BUB1: variants seen among roughly 807,000 people sequenced by gnomAD.
The protein encoded by BUB1 is BUB1 mitotic checkpoint serine/threonine kinase, also known as mitotic checkpoint serine/threonine-protein kinase BUB1.
In BUB1, 84 loss-of-function variants were observed where a neutral mutation model predicts 135.2. The ratio of observed to expected loss-of-function variants is 0.62; its 90% CI spans 0.52 to 0.74. The LOEUF is 0.74. BUB1 is among the 30% of genes least tolerant of loss of function. The pLI, the probability that BUB1 is intolerant of heterozygous loss-of-function variation, is 0.00. For missense variants in BUB1, 1,162 were observed against 1,288.3 expected (o/e 0.90, Z 1.50); for synonymous variants, 403 against 434.4 (o/e 0.93, Z 0.90).
Position 110,677,992 on chromosome 2 carries a change from C to A in BUB1, c.4G>T (p.Asp2Tyr). The A allele has an allele frequency of 6.2e-7, 1 of 1,608,236 alleles. No individual in the cohort carries two copies. Residue 2 changes from aspartate (D) to tyrosine (Y), a missense_variant, in exon 1 of 25, where the codon GAC (aspartate) becomes TAC (tyrosine). Asp to Tyr is a radical substitution (Grantham distance 160, BLOSUM62 -3). Transcript: ENST00000302759. M[D>Y]TPENVLQMLE... Reference sequence around the variant, plus strand: ...TACTGAAGGACATTTTCCGGGGTGTCCATGGCCAGAGGACGCTGGCCGGCA... The same window carrying A: ...TACTGAAGGACATTTTCCGGGGTGTACATGGCCAGAGGACGCTGGCCGGCA...
chr2:110,673,219 C>A (rs904948465), intron 3 of BUB1, among the ~76,000 whole-genome samples: 2 of 152,202 alleles, frequency 1.3e-5, no homozygotes, highest in African/African-American at 4.8e-5. Flanking sequence ...CTCCACACAC[C>A]TTCCCCAATA....
intron 10 of BUB1, among the ~76,000 whole-genome samples, chr2:110,660,422 T>C (rs966730400): frequency 5.3e-5 from 8 of 152,082 alleles, no homozygotes; most frequent in South Asian, 2.1e-4. Context: ...TCTATTAGAA[T>C]TTTTAACTGA....
chr2:110,667,487 A>C, intron 8 of BUB1, 34 bp downstream of exon 8: 1 of 1,570,920 alleles, frequency 6.4e-7, no homozygotes, highest in Middle Eastern at 1.7e-4. Flanking sequence ...TTTATGTGAC[A>C]TAAGAATAAC....
At chr2:110,672,110 C>A (rs1171812740) in intron 4 of BUB1, among the ~76,000 whole-genome samples, 1 of 152,036 alleles carries the variant, frequency 6.6e-6, no homozygotes, top group East Asian at 1.9e-4. Flanking sequence ...CCCTATAGTC[C>A]CAGCTAGTCA....
At chr2:110,671,368 C>T (rs964526797) in intron 4 of BUB1, among the ~76,000 whole-genome samples, 1 of 152,066 alleles carries the variant, frequency 6.6e-6, no homozygotes, top group African/African-American at 2.4e-5. Context: ...CATTGAGAAA[C>T]ACAAAATGTT....
In BUB1 at chr2:110,661,588, T is replaced by C; in HGVS notation, c.1211A>G (p.Asp404Gly). Residue 404 changes from aspartate (D) to glycine (G), a missense_variant, in exon 10 of 25, where the codon GAT becomes GGT. Coordinates refer to ENST00000302759, the MANE Select transcript of BUB1 (RefSeq NM_004336.5). ...AGGACTACCTTCAGCTTACCCAGCA[T>C]CTTTGCTGGCCACTGCAAACATGGA... The part of the protein sequence containing the change: ...TDSMFAVASK[D>G]AGCVNKSTHE... 1 of 1,613,966 alleles carries C rather than the reference T, an allele frequency of 6.2e-7. No homozygotes were observed. Among genetic ancestry groups the C allele is most frequent in the Non-Finnish European group, 8.5e-7 (1 of 1,179,910 alleles).
intron 3 of BUB1, among the ~76,000 whole-genome samples, chr2:110,673,489 A>G (rs1248285102): frequency 6.6e-6 from 1 of 152,036 alleles, no homozygotes; most frequent in Non-Finnish European, 1.5e-5. Flanking sequence ...AAGCTGTGGA[A>G]TCTGAAGTTA....
At chr2:110,675,524 C>G (rs1690552789) in intron 1 of BUB1, among the ~76,000 whole-genome samples, 1 of 151,604 alleles carries the variant, frequency 6.6e-6, no homozygotes, top group Non-Finnish European at 1.5e-5. Flanking sequence ...TAATGTCCCT[C>G]TGTGTGAAGG....
chr2:110,653,815 G>A (rs923608777), intron 16 of BUB1, among the ~76,000 whole-genome samples: 1 of 152,000 alleles, frequency 6.6e-6, no homozygotes, highest in Non-Finnish European at 1.5e-5. Context: ...GCAAGGCTGA[G>A]CAACATAGTG....
intron 19 of BUB1, among the ~76,000 whole-genome samples, chr2:110,644,277 G>A (rs950052165): frequency 7.3e-5 from 11 of 151,546 alleles, no homozygotes; most frequent in African/African-American, 2.4e-4. Context: ...TTGAGGTCAG[G>A]AGTTCAAGGC....
Position 110,649,258 on chromosome 2 carries a change from T to G in BUB1, c.2323A>C (p.Lys775Gln). 4 of 1,611,864 alleles carry G rather than the reference T, an allele frequency of 2.5e-6. No homozygotes were observed. Among genetic ancestry groups the G allele is most frequent in the Non-Finnish European group, 3.4e-6 (4 of 1,179,130 alleles). The change falls in exon 19 of 25, where the codon AAG (lysine) becomes CAG (glutamine). Residue 775 changes from lysine (K) to glutamine (Q), a missense_variant. By Grantham distance (53) the Lys-to-Gln change is moderately conservative. Transcript: ENST00000302759. ...FEWQCKLPAI[K>Q]PKTEFQLGSK... is the part of the protein sequence containing the mutation. ...CCCAATTGAAATTCAGTCTTGGGCT[T>G]GATGGCTGGAAGTTTACATTGCCAT...
At chr2:110,676,609 T>G (rs1690593576) in intron 1 of BUB1, 1 of 152,160 alleles carries the variant, frequency 6.6e-6, no homozygotes, top group African/African-American at 2.4e-5. Flanking sequence ...TTAGGGTACA[T>G]GAAGTATTAC....
At chr2:110,650,859 T>A in intron 17 of BUB1, 75 bp from the exon 18 acceptor site, 1 of 1,348,272 alleles carries the variant, frequency 7.4e-7, no homozygotes, top group Non-Finnish European at 1.0e-6. Flanking sequence ...CACATGAAAT[T>A]CCCTTCTCAT....
chr2:110,673,437 T>G (rs188192862), intron 3 of BUB1, among the ~76,000 whole-genome samples: 3 of 152,336 alleles, frequency 2.0e-5, no homozygotes, highest in Non-Finnish European at 4.4e-5. Flanking sequence ...GGCTTGCAAC[T>G]GGCATTGTAA....
At chr2:110,655,346 G>C (rs1689899247) in intron 16 of BUB1, among the ~76,000 whole-genome samples, 1 of 152,092 alleles carries the variant, frequency 6.6e-6, no homozygotes, top group Non-Finnish European at 1.5e-5. Flanking sequence ...TATTAAATTA[G>C]AAAATATAAA....
At position 110,650,802 on chromosome 2, in the gene BUB1, A is replaced by T; in HGVS notation, c.1965-18T>A. 7.5e-6 allele frequency: 12 copies of T among 1,595,184 alleles called. No individual in the cohort carries two copies. The highest frequency in any genetic ancestry group is 1.0e-5 in the Non-Finnish European group (12 of 1,163,306). Reference sequence around the variant, plus strand: ...GAATTGGACTGGACGTGTGAAAGGAATAAAGAAACCAAAACACCACATGAT... The same window carrying T: ...GAATTGGACTGGACGTGTGAAAGGATTAAAGAAACCAAAACACCACATGAT... On this transcript the variant is annotated intron_variant, in intron 17 of 24. Transcript: ENST00000302759.
chr2:110,642,355 T>A, intron 19 of BUB1, 121 bp from the exon 20 acceptor site: 1 of 569,290 alleles, frequency 1.8e-6, no homozygotes, highest in Non-Finnish European at 3.1e-6. Flanking sequence ...TGTCTGCAGT[T>A]GTTAACTCTT....
Position 110,657,556 on chromosome 2 carries a change from C to A in BUB1, c.1606G>T (p.Glu536Ter). ...ATGGTATTTTTTTACCCATAATTTTCTTTGTTTCCATCTTCAAACACATGA... is the reference window on the plus strand; with the variant it reads ...ATGGTATTTTTTTACCCATAATTTTATTTGTTTCCATCTTCAAACACATGA... The part of the protein sequence containing the change: ...AFHVFEDGNK[E>*]NYGLPQPKNK... Residue 536 changes from glutamate to a stop codon, truncating the protein, a stop_gained, in exon 14 of 25, where the codon GAA becomes TAA. Coordinates refer to ENST00000302759, the MANE Select transcript of BUB1 (RefSeq NM_004336.5). LOFTEE classifies it high-confidence loss of function. 1 of 1,600,900 alleles carries A rather than the reference C, an allele frequency of 6.2e-7. No homozygotes were observed. The highest frequency in any genetic ancestry group is 8.5e-7 in the Non-Finnish European group (1 of 1,174,014).
intron 19 of BUB1, chr2:110,642,825 A>C (rs1689540749): frequency 6.6e-6 from 1 of 152,558 alleles, no homozygotes; most frequent in South Asian, 2.1e-4. Flanking sequence ...CTGAGAAGCC[A>C]GGACCACAGG....
Sources: allele counts gnomAD v4.1 joint callset (sites outside exome capture counted in the v4.1 genomes callset), GRCh38; gene constraint gnomAD v4.1.1; transcripts MANE v1.5; gene names NCBI Gene and HGNC (gene_info 2026-07-23, HGNC 2026-07-21).